Variants in HDAC4 observed in about 807,000 individuals in gnomAD.
HDAC4 encodes the protein histone deacetylase A.
In HDAC4, 16 loss-of-function variants were observed where a neutral mutation model predicts 135.1. That is an observed-to-expected ratio of 0.12 (90% CI 0.08 to 0.18). The LOEUF (loss-of-function observed/expected upper bound fraction) is 0.18, where lower values mean the gene tolerates loss of function less well. Among genes scored for constraint, HDAC4 ranks in the 10% least tolerant of loss-of-function variants. The pLI is 1.00. For synonymous variants in HDAC4, 685 were observed against 653.4 expected (o/e 1.05, Z -0.74); for missense variants, 1,143 against 1,511.8 (o/e 0.76, Z 4.05).
At chr2:239,257,818 T>C (rs2049132067) in intron 2 of HDAC4, among the ~76,000 whole-genome samples, 1 of 151,998 alleles carries the variant, frequency 6.6e-6, no homozygotes, top group Admixed American at 6.5e-5. Flanking sequence ...CACATTCACA[T>C]ATCAGGCAGA....
intron 2 of HDAC4, among the ~76,000 whole-genome samples, chr2:239,255,654 G>A (rs2049012214): frequency 6.6e-6 from 1 of 152,224 alleles, no homozygotes; most frequent in Non-Finnish European, 1.5e-5. Context: ...TAAGGAGGAA[G>A]AGGAGGCCAC....
At chr2:239,276,134 G>A (rs551495283) in intron 2 of HDAC4, among the ~76,000 whole-genome samples, 2 of 152,298 alleles carry the variant, frequency 1.3e-5, no homozygotes, top group African/African-American at 2.4e-5. Context: ...GGCAGACACC[G>A]ACCCCCACGC....
chr2:239,067,106 G>A (rs2033603685), intron 23 of HDAC4: 4 of 558,984 alleles, frequency 7.2e-6, no homozygotes, highest in South Asian at 2.0e-5. Context: ...TTTAGGGGAC[G>A]AGGGCAGCCA....
intron 1 of HDAC4, among the ~76,000 whole-genome samples, chr2:239,356,138 A>G (rs1016975170): frequency 2.0e-5 from 3 of 152,248 alleles, no homozygotes; most frequent in African/African-American, 4.8e-5. Context: ...CATTACATTA[A>G]GAAAAACATC....
intron 16 of HDAC4, among the ~76,000 whole-genome samples, chr2:239,101,905 A>C (rs1480072272): frequency 6.7e-6 from 1 of 148,622 alleles, no homozygotes; most frequent in African/African-American, 2.5e-5. Flanking sequence ...GTGCCCTGGG[A>C]GCCCCCGGCC....
intron 2 of HDAC4, among the ~76,000 whole-genome samples, chr2:239,284,764 T>TGGAGACCAGTGTCCC (rs1486309867): frequency 6.6e-6 from 1 of 152,162 alleles, no homozygotes; most frequent in African/African-American, 2.4e-5. Flanking sequence ...TCCAGTGTCC[T>TGGAGACCAGTGTCCC]GGAGACCAGT....
At chr2:239,138,856 C>A (rs756698315) in intron 9 of HDAC4, among the ~76,000 whole-genome samples, 2 of 152,224 alleles carry the variant, frequency 1.3e-5, no homozygotes, top group Non-Finnish European at 2.9e-5. Context: ...GAACACGGAG[C>A]GAGGTCCTCG....
intron 7 of HDAC4, among the ~76,000 whole-genome samples, chr2:239,152,623 G>A (rs559429050): frequency 9.2e-4 from 140 of 152,342 alleles, no homozygotes; most frequent in African/African-American, 3.2e-3. Context: ...CCAGGAGCGA[G>A]GAGATGAGCC....
chr2:239,381,092 G>A (rs981392892), intron 1 of HDAC4, among the ~76,000 whole-genome samples: 3 of 152,156 alleles, frequency 2.0e-5, no homozygotes, highest in Non-Finnish European at 4.4e-5. Flanking sequence ...ACCTGAACAC[G>A]TGACGTACAC....
At chr2:239,090,148 C>T (rs747147847) in intron 17 of HDAC4, 32 bp from the exon 18 acceptor site, 1 of 1,487,624 alleles carries the variant, frequency 6.7e-7, no homozygotes, top group South Asian at 1.1e-5. Context: ...GTGAGGTCAC[C>T]CTCCCAGGCC....
chr2:239,350,196 C>T (rs1693026381), intron 2 of HDAC4, among the ~76,000 whole-genome samples: 1 of 151,776 alleles, frequency 6.6e-6, no homozygotes, highest in Non-Finnish European at 1.5e-5. Flanking sequence ...GTCAAAGAAA[C>T]ATTAAACAAA....
At position 239,094,417 on chromosome 2, in the gene HDAC4, G is replaced by A. The variant is rs775919182; in HGVS notation, c.2280+593C>T. 1,090 of 623,182 alleles carry A rather than the reference G, an allele frequency of 1.7e-3. 3 individuals are homozygous for A. The highest frequency in any genetic ancestry group is 2.7e-3 in the Middle Eastern group (3 of 1,116). 38.6% of individuals were successfully genotyped at this position (623,182 alleles called of 1,614,324 possible). On this transcript the variant is annotated intron_variant, in intron 17 of 26. Coordinates refer to ENST00000543185, the MANE Select transcript of HDAC4 (RefSeq NM_001378414.1). ...GCCAGGTCCATATCATCAGCTCGTA[G>A]AAGCCAGCACAGCCCAGTGATTCAT...
At chr2:239,107,666 G>A (rs183798096) in intron 15 of HDAC4, among the ~76,000 whole-genome samples, 31 of 152,346 alleles carry the variant, frequency 2.0e-4, no homozygotes, top group African/African-American at 3.8e-4. Context: ...GGATCTCCCC[G>A]TGGCTCCTTC....
chr2:239,248,048 T>G (rs2048567313), intron 2 of HDAC4, among the ~76,000 whole-genome samples: 1 of 152,090 alleles, frequency 6.6e-6, no homozygotes, highest in Non-Finnish European at 1.5e-5. Context: ...TAACACTCGG[T>G]GATGTTCTGT....
In HDAC4 at chr2:239,262,915, CACT is replaced by C. The variant is rs2049459834; in HGVS notation, c.23-26254_23-26252del. On this transcript the variant is annotated intron_variant, in intron 2 of 26. Transcript: ENST00000543185. This position sits in a 1 kb window ranked among gnomAD's most constrained non-coding sequence, Gnocchi z 4.1. The stretch of plus-strand genomic sequence containing the variant: ...ATCCCTCACTGGAAGGTCACGGCAC[CACT>C]GAGACAGCCTGGAAGCTTCTGTGCT... Among the ~76,000 whole-genome samples the C allele has an allele frequency of 3.3e-5, 5 of 152,224 alleles. No homozygotes were observed. In the South Asian group the frequency reaches 1.0e-3, roughly 32 times the overall value.
chr2:239,135,223 A>G (rs2040868024), intron 9 of HDAC4, among the ~76,000 whole-genome samples: 1 of 152,242 alleles, frequency 6.6e-6, no homozygotes, highest in Non-Finnish European at 1.5e-5. Context: ...CATGTACCCC[A>G]CAAATATATA....
chr2:239,201,103 G>A (rs2045729152), intron 3 of HDAC4, among the ~76,000 whole-genome samples: 1 of 152,180 alleles, frequency 6.6e-6, no homozygotes, highest in Non-Finnish European at 1.5e-5. Flanking sequence ...CGCTTGACAG[G>A]TGTGGGAAAC....
At chr2:239,153,696 G>A (rs1455214330) in intron 7 of HDAC4, among the ~76,000 whole-genome samples, 1 of 152,220 alleles carries the variant, frequency 6.6e-6, no homozygotes, top group African/African-American at 2.4e-5. Context: ...ATTTCCCGGA[G>A]TGTGAAAACA....
In HDAC4 at chr2:239,068,212, C is replaced by T. The variant is rs1156247321; in HGVS notation, c.2869+277G>A. Among the ~76,000 whole-genome samples the T allele has an allele frequency of 1.3e-5, 2 of 152,180 alleles. No individual in the cohort carries two copies. Among genetic ancestry groups the T allele is most frequent in the Non-Finnish European group, 2.9e-5 (2 of 68,018 alleles). Reference sequence around the variant, plus strand: ...CTGCCCCTGGAGGTGGCCTGCAGGTCCCTAGGCACCCGCATCCCAGAGAGG... The same window carrying T: ...CTGCCCCTGGAGGTGGCCTGCAGGTTCCTAGGCACCCGCATCCCAGAGAGG... On this transcript the variant is annotated intron_variant, in intron 23 of 26. Transcript: ENST00000543185. The surrounding 1 kb of genome is among the most constrained non-coding windows in gnomAD (Gnocchi z 4.4).
Sources: allele counts gnomAD v4.1 joint callset (sites outside exome capture counted in the v4.1 genomes callset), GRCh38; gene constraint gnomAD v4.1.1; non-coding constraint Gnocchi (gnomAD v3.1); transcripts MANE v1.5; gene names NCBI Gene and HGNC (gene_info 2026-07-23, HGNC 2026-07-21).